Variants in PAWR observed in about 807,000 individuals in gnomAD.
The protein encoded by PAWR is pro-apoptotic WT1 regulator.
In PAWR, 23 loss-of-function variants were observed where a neutral mutation model predicts 32.0. The observed-to-expected ratio is 0.72, with a 90% CI of 0.52 to 1.02. PAWR has a LOEUF of 1.02. Among genes scored for constraint, PAWR ranks in the 50% least tolerant of loss-of-function variants. The pLI is 0.00. For synonymous variants in PAWR, 226 were observed against 187.1 expected (o/e 1.21, Z -1.70); for missense variants, 457 against 437.7 (o/e 1.04, Z -0.39).
At chr12:79,621,854 A>G (rs1482748176) in intron 2 of PAWR, among the ~76,000 whole-genome samples, 2 of 152,206 alleles carry the variant, frequency 1.3e-5, no homozygotes, top group Admixed American at 6.5e-5. Context: ...ATCTAACTCT[A>G]CACTTTCTAC....
In PAWR at chr12:79,592,919, T is replaced by G. The variant is rs115146523; in HGVS notation, c.937-226A>C. Among the ~76,000 whole-genome samples the G allele has an allele frequency of 4.8e-3, 738 of 152,242 alleles. 7 individuals are homozygous for G. Among genetic ancestry groups the G allele is most frequent in the African/African-American group, 0.017 (701 of 41,548 alleles). ...AGGCCAACTCTTACAGATCTTTCAG[T>G]TTTTCAAAGGAAGCCGAAAGTCAGA... On this transcript the variant is annotated intron_variant, in intron 6 of 6. Transcript: ENST00000328827.
intron 2 of PAWR, among the ~76,000 whole-genome samples, chr12:79,648,141 G>A (rs1876666774): frequency 2.0e-5 from 3 of 152,108 alleles, no homozygotes; most frequent in African/African-American, 7.2e-5. Flanking sequence ...ACCACAGAAT[G>A]GCGACCCCTG....
intron 4 of PAWR, among the ~76,000 whole-genome samples, chr12:79,606,528 G>A (rs998198724): frequency 2.0e-5 from 3 of 152,090 alleles, no homozygotes; most frequent in Non-Finnish European, 4.4e-5. Context: ...TTCTGACATT[G>A]TACTACAGCT....
At chr12:79,684,409 GAGAGC>G (rs1878585721) in intron 2 of PAWR, among the ~76,000 whole-genome samples, 1 of 152,090 alleles carries the variant, frequency 6.6e-6, no homozygotes, top group Non-Finnish European at 1.5e-5. Flanking sequence ...CTGGAAGTTT[GAGAGC>G]AGCCTGGCCA....
At chr12:79,629,377 T>C (rs1566009442) in intron 2 of PAWR, among the ~76,000 whole-genome samples, 1 of 152,078 alleles carries the variant, frequency 6.6e-6, no homozygotes, top group Non-Finnish European at 1.5e-5. Flanking sequence ...TAAAGAATAT[T>C]ATCATGAATA....
At position 79,605,836 on chromosome 12, in the gene PAWR, G is replaced by A. The variant is rs1051172055; in HGVS notation, c.683+7739C>T. 4.6e-5 allele frequency among the ~76,000 whole-genome samples: 7 copies of A among 152,262 alleles called. No homozygotes were observed. In the South Asian group the frequency reaches 1.0e-3, roughly 23 times the overall value. On this transcript the variant is annotated intron_variant, in intron 4 of 6. Transcript: ENST00000328827. ...CGCCTGTAATCCCAGCACTTTGGGAGGCCAAGGCAGCCAGATCACTTGAGG... is the reference window on the plus strand; with the variant it reads ...CGCCTGTAATCCCAGCACTTTGGGAAGCCAAGGCAGCCAGATCACTTGAGG...
Position 79,587,393 on chromosome 12 carries a change from T to C in PAWR, c.*5214A>G, listed in dbSNP as rs1873414664. On this transcript the variant is annotated 3_prime_UTR_variant, in exon 7 of 7. Transcript: ENST00000328827. ...TTTACTAAAAAAGTCTAAATTTTTA[T>C]ATTCCTAGGCCCCTACTTATCTTTT... The C allele has an allele frequency of 6.6e-6, 1 of 152,106 alleles. No individual in the cohort carries two copies. The highest frequency in any genetic ancestry group is 2.4e-5 in the African/African-American group (1 of 41,460). 9.4% of individuals were successfully genotyped at this position (152,106 alleles called of 1,614,324 possible).
At chr12:79,660,910 T>C (rs1877318266) in intron 2 of PAWR, among the ~76,000 whole-genome samples, 1 of 151,678 alleles carries the variant, frequency 6.6e-6, no homozygotes, top group Non-Finnish European at 1.5e-5. Context: ...AAGTATATAA[T>C]TATATAGACT....
intron 4 of PAWR, among the ~76,000 whole-genome samples, chr12:79,608,810 T>C (rs1232372496): frequency 6.6e-6 from 1 of 152,118 alleles, no homozygotes; most frequent in Non-Finnish European, 1.5e-5. Context: ...TTTGGGAGGC[T>C]GAGGTGGGTG....
intron 2 of PAWR, among the ~76,000 whole-genome samples, chr12:79,625,547 C>A (rs1419838367): frequency 6.6e-6 from 1 of 152,118 alleles, no homozygotes; most frequent in East Asian, 1.9e-4. Context: ...AGGGGCCGGG[C>A]GTGGTGGCTC....
At chr12:79,604,346 C>G in intron 4 of PAWR, 1 of 1,005,366 alleles carries the variant, frequency 9.9e-7, no homozygotes, top group Non-Finnish European at 1.2e-6. Context: ...AAGTTTTCCC[C>G]CTCTGGGAAT....
intron 2 of PAWR, among the ~76,000 whole-genome samples, chr12:79,643,846 T>A (rs1312388253): frequency 6.6e-6 from 1 of 152,162 alleles, no homozygotes; most frequent in African/African-American, 2.4e-5. Flanking sequence ...AAAAATAAAA[T>A]AATATGTAAA....
At chr12:79,681,430 G>C (rs933137721) in intron 2 of PAWR, among the ~76,000 whole-genome samples, 7 of 151,970 alleles carry the variant, frequency 4.6e-5, no homozygotes, top group African/African-American at 1.4e-4. Context: ...GCAGCCTGGG[G>C]AACAAGCAAG....
intron 4 of PAWR, among the ~76,000 whole-genome samples, chr12:79,599,690 A>G (rs1873888269): frequency 6.6e-6 from 1 of 152,244 alleles, no homozygotes; most frequent in African/African-American, 2.4e-5. Flanking sequence ...TATTTGTCTG[A>G]GAGTTAGTCT....
intron 4 of PAWR, 139 bp downstream of exon 4, chr12:79,613,436 C>G: frequency 2.3e-6 from 1 of 434,864 alleles, no homozygotes; most frequent in Non-Finnish European, 4.2e-6. Context: ...CTCCTGCTTA[C>G]AATATAATTT....
chr12:79,629,079 G>A (rs1208019295), intron 2 of PAWR, among the ~76,000 whole-genome samples: 2 of 151,766 alleles, frequency 1.3e-5, no homozygotes, highest in Non-Finnish European at 2.9e-5. Context: ...CAACACAAAT[G>A]CAGGCAGAAA....
intron 2 of PAWR, 98 bp downstream of exon 2, chr12:79,689,631 G>C: frequency 7.5e-7 from 1 of 1,331,384 alleles, no homozygotes; most frequent in East Asian, 2.7e-5. Context: ...CGAGCCAGGG[G>C]AGGTAAACTC....
intron 4 of PAWR, chr12:79,597,066 T>C (rs1290642240): frequency 6.5e-6 from 1 of 153,590 alleles, no homozygotes; most frequent in Non-Finnish European, 1.4e-5. Flanking sequence ...TCTTTTTTTT[T>C]TTTTTTTTTG....
At position 79,690,373 on chromosome 12, in the gene PAWR, C is replaced by A; in HGVS notation, c.-129G>T. 2 of 1,348,466 alleles carry A rather than the reference C, an allele frequency of 1.5e-6. No homozygotes were observed. The highest frequency in any genetic ancestry group is 3.6e-5 in the South Asian group (2 of 56,310). The allele number at this position is 1,348,466 out of a possible 1,614,324, so 83.5% of individuals were successfully genotyped here. On this transcript the variant is annotated 5_prime_UTR_variant, in exon 2 of 7. Transcript: ENST00000328827. ...CTCCAGGAGAGGGACGGCCGCCGCT[C>A]CCACAGCAGCCGGCGGGGCTGAGGT...
Sources: allele counts gnomAD v4.1 joint callset (sites outside exome capture counted in the v4.1 genomes callset), GRCh38; gene constraint gnomAD v4.1.1; transcripts MANE v1.5; gene names NCBI Gene and HGNC (gene_info 2026-07-23, HGNC 2026-07-21).